The following TRAF3 variants were observed in gnomAD, a reference collection of about 807,000 sequenced individuals.
The protein encoded by TRAF3 is TNF receptor associated factor 3.
TRAF3 carries 13 observed loss-of-function variants against 62.3 expected under a neutral mutation model. That is an observed-to-expected ratio of 0.21 (90% CI 0.14 to 0.33). TRAF3 has a LOEUF of 0.33. TRAF3 is among the 10% of genes least tolerant of loss of function. TRAF3 has a pLI of 1.00. For missense variants in TRAF3, 440 were observed against 741.8 expected, an observed-to-expected ratio of 0.59 and a Z score of 4.73; for synonymous variants, 269 against 283.4, an observed-to-expected ratio of 0.95 and a Z score of 0.51.
At chr14:102,778,224 C>T (rs565055824) in intron 1 of TRAF3, among the ~76,000 whole-genome samples, 4 of 151,650 alleles carry the variant, frequency 2.6e-5, no homozygotes, top group East Asian at 3.9e-4. Flanking sequence ...CGCGAATCCC[C>T]CTCGCGCGGC....
chr14:102,789,761 T>C (rs1187087620), intron 1 of TRAF3, among the ~76,000 whole-genome samples: 1 of 152,046 alleles, frequency 6.6e-6, no homozygotes, highest in Admixed American at 6.6e-5. Flanking sequence ...ATTTGTGTAT[T>C]TTTGGAGGGA....
Position 102,911,371 on chromosome 14 carries a change from T to C in TRAF3, c.*5587T>C, listed in dbSNP as rs1890860048. ...TGTGGTTTTATTTGGTATTTATTTG[T>C]GTTTTGAGGTCTTGCAATGTTTTTG... On this transcript the variant is annotated 3_prime_UTR_variant, in exon 12 of 12. Transcript: ENST00000392745. 1 of 152,264 alleles carries C rather than the reference T, an allele frequency of 6.6e-6. No individual in the cohort carries two copies. Among genetic ancestry groups the C allele is most frequent in the African/African-American group, 2.4e-5 (1 of 41,466 alleles). The allele number at this position is 152,264 out of a possible 1,614,324, so 9.4% of individuals were successfully genotyped here.
rs186190954 is a variant in TRAF3, at chr14:102,896,112, C to T, written c.820-1149C>T. Among the ~76,000 whole-genome samples, 8 of 152,322 alleles carry T rather than the reference C, an allele frequency of 5.3e-5. 1 individual carries two copies. Among genetic ancestry groups the T allele is most frequent in the African/African-American group, 1.9e-4 (8 of 41,556 alleles). On this transcript the variant is annotated intron_variant, in intron 9 of 11. Coordinates refer to ENST00000392745, the MANE Select transcript of TRAF3 (RefSeq NM_145725.3). ...TAATGTTTTGGTATATACACACACA[C>T]ATTGCGGAATAATTAAATCGAGCTA...
chr14:102,794,605 T>A (rs1897970827), intron 1 of TRAF3, among the ~76,000 whole-genome samples: 1 of 152,196 alleles, frequency 6.6e-6, no homozygotes, highest in Non-Finnish European at 1.5e-5. Context: ...TAACTCTTGA[T>A]GAAAGGAGGG....
intron 10 of TRAF3, among the ~76,000 whole-genome samples, chr14:102,898,045 G>A (rs1890092804): frequency 1.3e-5 from 2 of 152,258 alleles, no homozygotes; most frequent in Admixed American, 1.3e-4. Flanking sequence ...ATTTGTGATA[G>A]CACTTCCCAT....
intron 1 of TRAF3, among the ~76,000 whole-genome samples, chr14:102,791,172 A>G (rs1012774477): frequency 2.6e-5 from 4 of 151,908 alleles, no homozygotes; most frequent in Admixed American, 6.6e-5. Flanking sequence ...GGCACCTGCC[A>G]CCATGCCTGG....
At chr14:102,855,726 A>G (rs1185883842) in intron 2 of TRAF3, among the ~76,000 whole-genome samples, 2 of 148,624 alleles carry the variant, frequency 1.3e-5, no homozygotes, top group Non-Finnish European at 3.0e-5. Flanking sequence ...AGCCTGAGGG[A>G]TGGAGGTTGC....
chr14:102,778,408 A>C (rs964906491), intron 1 of TRAF3, among the ~76,000 whole-genome samples: 1 of 152,124 alleles, frequency 6.6e-6, no homozygotes, highest in Non-Finnish European at 1.5e-5. Context: ...CTGTGTGGAA[A>C]ATTCTCTCCC....
At chr14:102,837,999 T>TA (rs1886130426) in intron 2 of TRAF3, among the ~76,000 whole-genome samples, 1 of 152,210 alleles carries the variant, frequency 6.6e-6, no homozygotes, top group Non-Finnish European at 1.5e-5. Flanking sequence ...TGTTGATTCT[T>TA]ACGGCACAAG....
intron 9 of TRAF3, among the ~76,000 whole-genome samples, chr14:102,894,373 C>T (rs1267921172): frequency 1.3e-5 from 2 of 152,278 alleles, no homozygotes; most frequent in East Asian, 1.9e-4. Flanking sequence ...TAAAGAAAAA[C>T]TGCAAAATCT....
At chr14:102,827,184 T>C (rs145471928) in intron 1 of TRAF3, among the ~76,000 whole-genome samples, 2 of 152,378 alleles carry the variant, frequency 1.3e-5, no homozygotes, top group East Asian at 1.9e-4. Context: ...AACCTTGTCC[T>C]GGAGGTGCAC....
At chr14:102,823,902 A>T (rs1249650446) in intron 1 of TRAF3, among the ~76,000 whole-genome samples, 2 of 152,176 alleles carry the variant, frequency 1.3e-5, no homozygotes, top group African/African-American at 4.8e-5. Context: ...ACTAAGCACC[A>T]TATTTTCATT....
intron 9 of TRAF3, chr14:102,894,991 C>T: frequency 2.3e-6 from 1 of 439,702 alleles, no homozygotes. Flanking sequence ...TATGAGCCAT[C>T]ACAGCTGGCC....
At chr14:102,825,321 C>G (rs764349555) in intron 1 of TRAF3, among the ~76,000 whole-genome samples, 1 of 152,192 alleles carries the variant, frequency 6.6e-6, no homozygotes, top group East Asian at 1.9e-4. Context: ...CACAGGCCTG[C>G]GGGGACCTGG....
intron 2 of TRAF3, among the ~76,000 whole-genome samples, chr14:102,867,472 G>A (rs1408519343): frequency 2.0e-5 from 3 of 152,274 alleles, no homozygotes; most frequent in Non-Finnish European, 2.9e-5. Flanking sequence ...GAGGGCCAGG[G>A]GAAAAGCACA....
At chr14:102,879,459 T>C (rs1888915506) in intron 6 of TRAF3, among the ~76,000 whole-genome samples, 1 of 151,992 alleles carries the variant, frequency 6.6e-6, no homozygotes, top group Non-Finnish European at 1.5e-5. Context: ...GGTCTTGCCA[T>C]GTTGCCCAGT....
At chr14:102,811,835 A>G (rs565962731) in intron 1 of TRAF3, among the ~76,000 whole-genome samples, 2 of 133,840 alleles carry the variant, frequency 1.5e-5, no homozygotes, top group East Asian at 4.7e-4. Flanking sequence ...GTAACCTTGA[A>G]CTCGTGGGCT....
At chr14:102,872,431 CCA>C (rs1377655925) in intron 4 of TRAF3, among the ~76,000 whole-genome samples, 1 of 152,206 alleles carries the variant, frequency 6.6e-6, no homozygotes, top group African/African-American at 2.4e-5. Flanking sequence ...TCCCTGCCCC[CCA>C]GGCCCCCTGT....
intron 4 of TRAF3, among the ~76,000 whole-genome samples, chr14:102,872,791 A>C (rs1467807302): frequency 6.6e-6 from 1 of 151,718 alleles, no homozygotes; most frequent in African/African-American, 2.4e-5. Context: ...TCCCAGGTTC[A>C]AGCAATTCTC....
Sources: allele counts gnomAD v4.1 joint callset (sites outside exome capture counted in the v4.1 genomes callset), GRCh38; gene constraint gnomAD v4.1.1; transcripts MANE v1.5; gene names NCBI Gene and HGNC (gene_info 2026-07-23, HGNC 2026-07-21).